The following SFMBT1 variants were observed in gnomAD, a reference collection of about 807,000 sequenced individuals.
The protein encoded by SFMBT1 is scm-like with four MBT domains protein 1.
In SFMBT1, 32 loss-of-function variants were observed where a neutral mutation model predicts 108.7. That is an observed-to-expected ratio of 0.29 (90% CI 0.22 to 0.40). The LOEUF is 0.40. Ranked by LOEUF, SFMBT1 falls within the 10% of genes least tolerant of loss-of-function variation. SFMBT1 has a pLI of 1.00. For missense variants in SFMBT1, 816 were observed against 1,059.6 expected, an observed-to-expected ratio of 0.77 and a Z score of 3.19; for synonymous variants, 348 against 369.5, an observed-to-expected ratio of 0.94 and a Z score of 0.67.
intron 5 of SFMBT1, 142 bp from the exon 6 acceptor site, chr3:52,932,450 A>G: frequency 4.0e-6 from 3 of 757,814 alleles, no homozygotes; most frequent in East Asian, 2.7e-5. Context: ...CTATCATCAT[A>G]CAAGCCTCTT....
At chr3:53,015,433 A>G (rs1699093489) in intron 1 of SFMBT1, among the ~76,000 whole-genome samples, 1 of 152,208 alleles carries the variant, frequency 6.6e-6, no homozygotes, top group African/African-American at 2.4e-5. Flanking sequence ...ACTCCTAGGT[A>G]TATACCCAAG....
intron 1 of SFMBT1, among the ~76,000 whole-genome samples, chr3:53,020,655 C>T (rs941636510): frequency 6.6e-6 from 1 of 152,064 alleles, no homozygotes; most frequent in Non-Finnish European, 1.5e-5. Context: ...AAAAACAAGT[C>T]GAGGATGGAA....
intron 4 of SFMBT1, among the ~76,000 whole-genome samples, chr3:52,939,556 A>G (rs1400051130): frequency 6.6e-6 from 1 of 152,188 alleles, no homozygotes; most frequent in Non-Finnish European, 1.5e-5. Flanking sequence ...CCTGGGTGAC[A>G]AAGAGTGACA....
chr3:53,009,163 T>C (rs1417582909), intron 1 of SFMBT1, among the ~76,000 whole-genome samples: 3 of 151,586 alleles, frequency 2.0e-5, no homozygotes, highest in Admixed American at 2.0e-4. Context: ...AATACCACTT[T>C]TGGCTGGGCA....
At chr3:52,998,187 G>A (rs546541897) in intron 1 of SFMBT1, among the ~76,000 whole-genome samples, 3 of 149,894 alleles carry the variant, frequency 2.0e-5, no homozygotes, top group Admixed American at 6.7e-5. Flanking sequence ...AGGCCAAGAC[G>A]GGCAGATCAC....
At chr3:53,043,509 C>A (rs1320701756) in intron 1 of SFMBT1, among the ~76,000 whole-genome samples, 2 of 152,172 alleles carry the variant, frequency 1.3e-5, no homozygotes, top group African/African-American at 4.8e-5. Flanking sequence ...TCAGCAAATT[C>A]TAGGCATTAA....
intron 1 of SFMBT1, among the ~76,000 whole-genome samples, chr3:53,042,688 C>G (rs1373565838): frequency 2.0e-5 from 3 of 151,782 alleles, no homozygotes; most frequent in Non-Finnish European, 4.4e-5. Flanking sequence ...AACAAAACAG[C>G]AAAAAAAGGA....
chr3:52,905,037 C>A lies in SFMBT1; in HGVS notation c.*99G>T. ...AAGAGAGCAAGCTGATACCTGCAGG[C>A]CCCAGAGCCCCAGGACTATTCCAGC... On this transcript the variant is annotated 3_prime_UTR_variant, in exon 21 of 21. Coordinates refer to ENST00000394752, the MANE Select transcript of SFMBT1 (RefSeq NM_016329.4). 6.7e-7 allele frequency: 1 copy of A among 1,493,884 alleles called. No homozygotes were observed. Among genetic ancestry groups the A allele is most frequent in the Non-Finnish European group, 9.0e-7 (1 of 1,109,252 alleles). 92.5% of individuals were successfully genotyped at this position (1,493,884 alleles called of 1,614,324 possible).
intron 1 of SFMBT1, among the ~76,000 whole-genome samples, chr3:53,030,431 A>G (rs1321410212): frequency 6.6e-6 from 1 of 152,174 alleles, no homozygotes; most frequent in African/African-American, 2.4e-5. Context: ...AAATTTTACT[A>G]TGTATGTGTA....
chr3:53,002,167 G>A (rs1057020300), intron 1 of SFMBT1, among the ~76,000 whole-genome samples: 1 of 149,630 alleles, frequency 6.7e-6, no homozygotes, highest in African/African-American at 2.4e-5. Flanking sequence ...TTGGGAGGCC[G>A]AGGCAGGTGG....
intron 1 of SFMBT1, chr3:53,018,248 GA>G: frequency 6.6e-6 from 1 of 150,512 alleles, no homozygotes. Flanking sequence ...AAAACAAAAA[GA>G]AAAAAAAGAA....
chr3:53,006,009 C>G (rs1262797390), intron 1 of SFMBT1, among the ~76,000 whole-genome samples: 1 of 152,286 alleles, frequency 6.6e-6, no homozygotes, highest in East Asian at 1.9e-4. Flanking sequence ...GCAGTCACAG[C>G]AGATGCTGTG....
intron 11 of SFMBT1, 129 bp downstream of exon 11, chr3:52,921,576 A>G (rs549670215): frequency 9.8e-7 from 1 of 1,025,626 alleles, no homozygotes; most frequent in East Asian, 2.6e-5. Flanking sequence ...AGAGTCTTGC[A>G]TTACAAAAGT....
chr3:52,950,878 C>T (rs1009894991), intron 3 of SFMBT1, among the ~76,000 whole-genome samples: 4 of 151,940 alleles, frequency 2.6e-5, no homozygotes, highest in African/African-American at 9.7e-5. Flanking sequence ...TTTTGGGAGG[C>T]CAAGGCAGGA....
At chr3:52,959,056 T>C (rs1703874917) in intron 2 of SFMBT1, among the ~76,000 whole-genome samples, 1 of 151,176 alleles carries the variant, frequency 6.6e-6, no homozygotes, top group Admixed American at 6.6e-5. Flanking sequence ...TGTTCTCACT[T>C]ATAAGTGGGA....
At chr3:52,944,242 T>C (rs371310764) in intron 3 of SFMBT1, among the ~76,000 whole-genome samples, 6 of 152,162 alleles carry the variant, frequency 3.9e-5, no homozygotes, top group Admixed American at 2.0e-4. Context: ...TTTCTCACCA[T>C]GGGAAAAAGA....
At chr3:53,001,843 T>C (rs997897826) in intron 1 of SFMBT1, among the ~76,000 whole-genome samples, 2 of 146,640 alleles carry the variant, frequency 1.4e-5, no homozygotes, top group South Asian at 2.2e-4. Context: ...GGAGGATATG[T>C]AGGCCCAGGA....
At chr3:53,035,054 G>A (rs750799944) in intron 1 of SFMBT1, among the ~76,000 whole-genome samples, 5 of 152,234 alleles carry the variant, frequency 3.3e-5, no homozygotes, top group Non-Finnish European at 7.3e-5. Flanking sequence ...CTAAGCGGAT[G>A]GAACATGGCA....
chr3:52,993,450 T>C (rs1462303038), intron 1 of SFMBT1, among the ~76,000 whole-genome samples: 1 of 150,310 alleles, frequency 6.7e-6, no homozygotes, highest in Non-Finnish European at 1.5e-5. Flanking sequence ...AGTTACTTTA[T>C]AAAACACATA....
Sources: gnomAD v4.1 joint callset for allele counts (sites outside exome capture counted in the v4.1 genomes callset) on GRCh38, gnomAD v4.1.1 for gene constraint, MANE v1.5 for transcripts, NCBI Gene and HGNC (gene_info 2026-07-23, HGNC 2026-07-21) for gene names.